ARHGEF3: variants seen among roughly 807,000 people sequenced by gnomAD.
ARHGEF3 encodes the protein Rho guanine nucleotide exchange factor 3, also known as 59.8 kDA protein.
Under a neutral mutation model 63.2 loss-of-function variants are expected in ARHGEF3, and 28 were observed. That is an observed-to-expected ratio of 0.44 (90% confidence interval 0.33 to 0.61). The LOEUF (loss-of-function observed/expected upper bound fraction) is 0.61, where lower values mean the gene tolerates loss of function less well. ARHGEF3 is among the 20% of genes least tolerant of loss of function. The pLI, the probability that ARHGEF3 is intolerant of heterozygous loss-of-function variation, is 0.03. For synonymous variants in ARHGEF3, 266 were observed against 254.2 expected, an observed-to-expected ratio of 1.05 and a Z score of -0.44; for missense variants, 533 against 659.3, an observed-to-expected ratio of 0.81 and a Z score of 2.10.
chr3:56,798,333 A>G (rs995047222), intron 1 of ARHGEF3, among the ~76,000 whole-genome samples: 9 of 152,242 alleles, frequency 5.9e-5, no homozygotes, highest in African/African-American at 2.2e-4. Context: ...AATCTGACCA[A>G]TATCTAAGAT....
intron 3 of ARHGEF3, among the ~76,000 whole-genome samples, chr3:56,946,166 C>A (rs1406456257): frequency 6.6e-6 from 1 of 152,176 alleles, no homozygotes; most frequent in Admixed American, 6.5e-5. Context: ...GATAAAACCA[C>A]AAAGATGGGG....
chr3:56,948,261 C>T (rs2106659208), intron 3 of ARHGEF3, among the ~76,000 whole-genome samples: 1 of 152,158 alleles, frequency 6.6e-6, no homozygotes, highest in Middle Eastern at 3.4e-3. Context: ...TAGCAGAAAG[C>T]AAGAAATAAC....
intron 3 of ARHGEF3, among the ~76,000 whole-genome samples, chr3:56,949,908 G>A (rs1282222237): frequency 6.6e-6 from 1 of 151,998 alleles, no homozygotes; most frequent in Admixed American, 6.5e-5. Flanking sequence ...AACCAAAACA[G>A]CATGGTACTG....
At chr3:56,995,659 GAGAGAGA>G (rs1218761382) in intron 2 of ARHGEF3, among the ~76,000 whole-genome samples, 4 of 120,738 alleles carry the variant, frequency 3.3e-5, no homozygotes, top group Non-Finnish European at 3.7e-5. Context: ...GAGAGAGAGA[GAGAGAGA>G]GAGAGAATTT....
chr3:56,882,733 G>A (rs1363757012), intron 3 of ARHGEF3, among the ~76,000 whole-genome samples: 2 of 151,938 alleles, frequency 1.3e-5, no homozygotes, highest in African/African-American at 4.8e-5. Flanking sequence ...TGGTCAGGCT[G>A]GTCTCGAACT....
intron 1 of ARHGEF3, among the ~76,000 whole-genome samples, chr3:57,035,396 C>G (rs1703909686): frequency 6.6e-6 from 1 of 152,228 alleles, no homozygotes; most frequent in African/African-American, 2.4e-5. Flanking sequence ...GTCACCCATG[C>G]TGCAGTGCAG....
At chr3:56,940,771 T>A (rs1366464424) in intron 3 of ARHGEF3, 1 of 152,284 alleles carries the variant, frequency 6.6e-6, no homozygotes, top group Non-Finnish European at 1.5e-5. Flanking sequence ...CCTAGTTATA[T>A]GGAGCTAATA....
intron 3 of ARHGEF3, among the ~76,000 whole-genome samples, chr3:56,919,745 C>T (rs1398902792): frequency 4.6e-5 from 7 of 152,158 alleles, no homozygotes; most frequent in African/African-American, 1.7e-4. Flanking sequence ...TGTATTTTCC[C>T]ACGTGATCCT....
At chr3:56,851,602 G>C (rs1216497960) in intron 4 of ARHGEF3, among the ~76,000 whole-genome samples, 2 of 151,578 alleles carry the variant, frequency 1.3e-5, no homozygotes, top group Admixed American at 1.3e-4. Context: ...CGCCCAAGTT[G>C]GTCTTAATCT....
At chr3:56,738,807 C>T (rs2033813931) in intron 7 of ARHGEF3, among the ~76,000 whole-genome samples, 1 of 152,006 alleles carries the variant, frequency 6.6e-6, no homozygotes, top group Non-Finnish European at 1.5e-5. Flanking sequence ...TCAATGACAC[C>T]AGGCCAGGCA....
chr3:56,923,025 A>AATATATATAT lies in ARHGEF3; in HGVS notation c.129+35788_129+35797dup, dbSNP rs72294634. ...AAATGGCAAAACCCCATCTCTACTA[A>AATATATATAT]ATATATATATATATATATATATATA... On this transcript the variant is annotated intron_variant, in intron 3 of 12. Coordinates refer to the ARHGEF3 transcript ENST00000338458. Among the ~76,000 whole-genome samples the AATATATATAT allele has an allele frequency of 2.7e-3, 242 of 91,084 alleles. 3 individuals are homozygous for AATATATATAT. Among genetic ancestry groups the AATATATATAT allele is most frequent in the African/African-American group, 3.6e-3 (74 of 20,770 alleles). The allele number at this position is 91,084 out of a possible 152,430, so 59.8% of individuals were successfully genotyped here.
At chr3:56,895,603 A>G (rs368926149) in intron 3 of ARHGEF3, among the ~76,000 whole-genome samples, 6 of 152,086 alleles carry the variant, frequency 3.9e-5, no homozygotes, top group African/African-American at 1.4e-4. Context: ...AGGTGGGACT[A>G]CAGGAGCCTG....
intron 1 of ARHGEF3, among the ~76,000 whole-genome samples, chr3:57,067,419 C>A (rs1705605873): frequency 6.6e-6 from 1 of 150,592 alleles, no homozygotes; most frequent in South Asian, 2.1e-4. Flanking sequence ...TGCGCCACTG[C>A]ACTCCAGCCT....
chr3:56,733,112 T>C (rs1417675738), intron 8 of ARHGEF3, among the ~76,000 whole-genome samples: 2 of 150,212 alleles, frequency 1.3e-5, no homozygotes, highest in African/African-American at 2.5e-5. Context: ...TGAAACCCTG[T>C]CTCTACTAAA....
chr3:56,857,528 G>C (rs1041553861), intron 4 of ARHGEF3, among the ~76,000 whole-genome samples: 2 of 152,222 alleles, frequency 1.3e-5, no homozygotes, highest in Admixed American at 1.3e-4. Flanking sequence ...GAAAGGACTT[G>C]TGTGTTTGGT....
At chr3:56,808,523 G>C (rs970479321) in intron 4 of ARHGEF3, among the ~76,000 whole-genome samples, 1 of 152,130 alleles carries the variant, frequency 6.6e-6, no homozygotes, top group African/African-American at 2.4e-5. Flanking sequence ...TCAGGAGGTC[G>C]AGGTTGCAGT....
chr3:57,007,225 G>C (rs775474479), intron 2 of ARHGEF3: 1 of 1,289,358 alleles, frequency 7.8e-7, no homozygotes, highest in African/African-American at 1.5e-5. Flanking sequence ...TCGAAGGTGG[G>C]GGGGTCAATA....
At chr3:56,817,955 C>A (rs559074627) in intron 4 of ARHGEF3, among the ~76,000 whole-genome samples, 57 of 152,350 alleles carry the variant, frequency 3.7e-4, no homozygotes, top group Non-Finnish European at 7.1e-4. Context: ...TGTTTACCCA[C>A]AGACTGTGGC....
intron 1 of ARHGEF3, chr3:56,774,940 G>T: frequency 1.6e-6 from 2 of 1,286,678 alleles, no homozygotes; most frequent in East Asian, 2.9e-5. Flanking sequence ...AAAAAAACAG[G>T]CTATGGGGAA....
Sources: gnomAD v4.1 joint callset for allele counts (sites outside exome capture counted in the v4.1 genomes callset) on GRCh38, gnomAD v4.1.1 for gene constraint, MANE v1.5 for transcripts, NCBI Gene and HGNC (gene_info 2026-07-23, HGNC 2026-07-21) for gene names.